Variants in GLI2 observed in about 807,000 individuals in gnomAD.
The protein encoded by GLI2 is GLI family zinc finger 2.
GLI2 carries 22 observed loss-of-function variants against 78.9 expected under a neutral mutation model. That is an observed-to-expected ratio of 0.28 (90% CI 0.20 to 0.40). The LOEUF (loss-of-function observed/expected upper bound fraction) is 0.40, where lower values mean the gene tolerates loss of function less well. Ranked by LOEUF, GLI2 falls within the 10% of genes least tolerant of loss-of-function variation. The probability of loss-of-function intolerance (pLI) is 1.00; values close to 1 mark genes in which losing one functional copy is unlikely to be tolerated. For synonymous variants in GLI2, 974 were observed against 963.7 expected, an observed-to-expected ratio of 1.01 and a Z score of -0.20; for missense variants, 2,097 against 2,213.2, an observed-to-expected ratio of 0.95 and a Z score of 1.05.
intron 2 of GLI2, among the ~76,000 whole-genome samples, chr2:120,841,845 G>GA (rs1290084204): frequency 6.8e-6 from 1 of 147,364 alleles, no homozygotes; most frequent in African/African-American, 2.6e-5. Flanking sequence ...AGCCAGTCTG[G>GA]AGGGTGTGTG....
chr2:120,855,122 A>G (rs1687585549), intron 2 of GLI2, among the ~76,000 whole-genome samples: 1 of 152,272 alleles, frequency 6.6e-6, no homozygotes. Context: ...AGAGGAAAAC[A>G]GAACCCACCA....
At chr2:120,931,562 T>G (rs999774639) in intron 3 of GLI2, among the ~76,000 whole-genome samples, 1 of 152,200 alleles carries the variant, frequency 6.6e-6, no homozygotes, top group Non-Finnish European at 1.5e-5. Context: ...TGAGCCCCAG[T>G]GTGGAGTCTG....
At chr2:120,926,967 G>A (rs1209094036) in intron 2 of GLI2, among the ~76,000 whole-genome samples, 4 of 152,348 alleles carry the variant, frequency 2.6e-5, no homozygotes, top group South Asian at 2.1e-4. Flanking sequence ...TCCGGATGCC[G>A]TAACCTGGTG....
At chr2:120,834,279 G>A (rs1056620448) in intron 2 of GLI2, among the ~76,000 whole-genome samples, 16 of 152,310 alleles carry the variant, frequency 1.1e-4, no homozygotes, top group South Asian at 2.1e-4. Flanking sequence ...GCATCCAGGG[G>A]AGAGCATGGG....
chr2:120,925,236 G>A (rs921363000), intron 2 of GLI2, among the ~76,000 whole-genome samples: 5 of 152,234 alleles, frequency 3.3e-5, no homozygotes, highest in African/African-American at 1.2e-4. Context: ...CTTTGAGTCT[G>A]AGTTGGGGAA....
intron 2 of GLI2, among the ~76,000 whole-genome samples, chr2:120,919,324 C>T (rs1292375363): frequency 1.3e-5 from 2 of 152,254 alleles, no homozygotes; most frequent in African/African-American, 4.8e-5. Flanking sequence ...AAGCCCTTCT[C>T]CAGTCATCCC....
intron 3 of GLI2, among the ~76,000 whole-genome samples, chr2:120,950,065 T>C (rs1384412148): frequency 6.6e-6 from 1 of 152,088 alleles, no homozygotes; most frequent in Non-Finnish European, 1.5e-5. Flanking sequence ...TAACAGCAGT[T>C]CTCCTTTCAT....
intron 1 of GLI2, among the ~76,000 whole-genome samples, chr2:120,747,365 C>T (rs1682724911): frequency 6.6e-6 from 1 of 152,324 alleles, no homozygotes; most frequent in South Asian, 2.1e-4. Context: ...CTCAGAGACA[C>T]TGGCGGATCT....
At chr2:120,853,095 G>A (rs1687487868) in intron 2 of GLI2, among the ~76,000 whole-genome samples, 1 of 152,192 alleles carries the variant, frequency 6.6e-6, no homozygotes, top group South Asian at 2.1e-4. Context: ...TCTGCAAGGC[G>A]AGTGAAGGCC....
chr2:120,887,988 G>T (rs908671676), intron 2 of GLI2, among the ~76,000 whole-genome samples: 3 of 152,236 alleles, frequency 2.0e-5, no homozygotes, highest in Non-Finnish European at 4.4e-5. Flanking sequence ...GGACCTGGCC[G>T]ACAGGCTCTT....
chr2:120,743,334 C>T (rs1409302173), intron 1 of GLI2, among the ~76,000 whole-genome samples: 9 of 152,132 alleles, frequency 5.9e-5, no homozygotes. Flanking sequence ...TAGTTAAGAC[C>T]ATCTTAACAC....
chr2:120,968,483 C>T (rs961365803), intron 5 of GLI2, among the ~76,000 whole-genome samples: 7 of 152,248 alleles, frequency 4.6e-5, no homozygotes, highest in African/African-American at 1.7e-4. Flanking sequence ...AAACACCTTA[C>T]ATGCACTTCT....
chr2:120,919,090 G>A (rs1185339932), intron 2 of GLI2, among the ~76,000 whole-genome samples: 3 of 152,126 alleles, frequency 2.0e-5, no homozygotes, highest in African/African-American at 7.2e-5. Flanking sequence ...GGTGTATTTT[G>A]TGCCTAGGTC....
At chr2:120,763,963 G>A (rs943421595) in intron 1 of GLI2, among the ~76,000 whole-genome samples, 3 of 152,260 alleles carry the variant, frequency 2.0e-5, no homozygotes, top group African/African-American at 7.2e-5. Context: ...TGTGTCCGGG[G>A]AGATAATTGC....
chr2:120,783,308 C>T, intron 1 of GLI2, among the ~76,000 whole-genome samples: 1 of 152,090 alleles, frequency 6.6e-6, no homozygotes, highest in East Asian at 1.9e-4. Flanking sequence ...TGGGGACATC[C>T]TTGAGTATCT....
At chr2:120,766,044 C>T (rs1351973606) in intron 1 of GLI2, among the ~76,000 whole-genome samples, 1 of 152,214 alleles carries the variant, frequency 6.6e-6, no homozygotes, top group Non-Finnish European at 1.5e-5. Context: ...GTCTGGAGCT[C>T]TTGCCCAGCT....
chr2:120,790,208 C>T (rs1327732851), intron 1 of GLI2, among the ~76,000 whole-genome samples: 2 of 152,178 alleles, frequency 1.3e-5, no homozygotes, highest in African/African-American at 4.8e-5. Flanking sequence ...GGGCCATGCA[C>T]CAAATCCATA....
At chr2:120,946,880 T>C (rs1372565500) in intron 3 of GLI2, among the ~76,000 whole-genome samples, 1 of 152,208 alleles carries the variant, frequency 6.6e-6, no homozygotes, top group Non-Finnish European at 1.5e-5. Flanking sequence ...CCCACATGCC[T>C]GTGTGATGCT....
chr2:120,960,136 C>G (rs186343577), intron 5 of GLI2, among the ~76,000 whole-genome samples: 4 of 152,170 alleles, frequency 2.6e-5, no homozygotes, highest in African/African-American at 9.7e-5. Context: ...GGTCTAGGGA[C>G]GCAACGCATC....
Sources: allele counts gnomAD v4.1 joint callset (sites outside exome capture counted in the v4.1 genomes callset), GRCh38; gene constraint gnomAD v4.1.1; transcripts MANE v1.5; gene names NCBI Gene and HGNC (gene_info 2026-07-23, HGNC 2026-07-21).